HEMK2: variants seen among roughly 807,000 people sequenced by gnomAD.
The protein encoded by HEMK2 is HemK methyltransferase 2, ETF1 glutamine and histone H4 lysine, also known as methyltransferase HEMK2.
At chr21:28,610,601 T>C in the HEMK2 span, among the ~76,000 whole-genome samples, 1 of 152,128 alleles carries the variant, frequency 6.6e-6, no homozygotes, top group East Asian at 1.9e-4. Context: ...ATTTAAAAGA[T>C]GCAGAATGGC....
the HEMK2 span, among the ~76,000 whole-genome samples, chr21:28,837,677 A>G: frequency 2.6e-5 from 4 of 152,204 alleles, no homozygotes; most frequent in Non-Finnish European, 5.9e-5. Context: ...CAGCAAAGAA[A>G]GGAAATAACC....
chr21:28,587,739 C>T, the HEMK2 span, among the ~76,000 whole-genome samples: 1 of 152,108 alleles, frequency 6.6e-6, no homozygotes, highest in African/African-American at 2.4e-5. Context: ...TCTTCACTTA[C>T]TATATAATGA....
At chr21:28,605,552 A>C in the HEMK2 span, among the ~76,000 whole-genome samples, 3 of 152,226 alleles carry the variant, frequency 2.0e-5, no homozygotes, top group Non-Finnish European at 1.5e-5. Context: ...TCAGCTCTTT[A>C]AACATGACTG....
the HEMK2 span, chr21:28,885,252 G>C: frequency 1.3e-6 from 2 of 1,592,618 alleles, no homozygotes; most frequent in Admixed American, 1.7e-5. Flanking sequence ...GCGTCCAAAA[G>C]CAGAAACGTG....
At chr21:28,618,891 T>C in the HEMK2 span, among the ~76,000 whole-genome samples, 6 of 152,222 alleles carry the variant, frequency 3.9e-5, no homozygotes, top group Admixed American at 3.3e-4. Context: ...TTGGTCGTTA[T>C]GAACTGAATT....
At chr21:28,637,507 ATCGCAT>A in the HEMK2 span, among the ~76,000 whole-genome samples, 1 of 152,168 alleles carries the variant, frequency 6.6e-6, no homozygotes, top group African/African-American at 2.4e-5. Context: ...AGAGCTGAGA[ATCGCAT>A]TACCAGAGGC....
the HEMK2 span, among the ~76,000 whole-genome samples, chr21:28,763,868 A>G: frequency 1.3e-5 from 2 of 152,064 alleles, no homozygotes; most frequent in Non-Finnish European, 2.9e-5. Context: ...TGGCCATTGT[A>G]GCCCACATGG....
chr21:28,753,011 G>C, the HEMK2 span, among the ~76,000 whole-genome samples: 1 of 152,154 alleles, frequency 6.6e-6, no homozygotes, highest in Non-Finnish European at 1.5e-5. Context: ...TTATTGTTAA[G>C]TTCTGCAGTC....
the HEMK2 span, among the ~76,000 whole-genome samples, chr21:28,877,433 AGAAG>A: frequency 1.3e-5 from 2 of 150,900 alleles, no homozygotes; most frequent in African/African-American, 2.4e-5. Flanking sequence ...AAAGAGAGAG[AGAAG>A]GAAGGACAGA....
chr21:28,632,034 G>A, the HEMK2 span, among the ~76,000 whole-genome samples: 1 of 152,142 alleles, frequency 6.6e-6, no homozygotes, highest in Non-Finnish European at 1.5e-5. Context: ...TAGAGAATTA[G>A]CTACAAACCA....
the HEMK2 span, among the ~76,000 whole-genome samples, chr21:28,768,564 A>T: frequency 6.6e-6 from 1 of 151,870 alleles, no homozygotes; most frequent in Admixed American, 6.6e-5. Flanking sequence ...CCTTCTCCTC[A>T]TGTTCAGCCT....
chr21:28,709,236 G>C, the HEMK2 span, among the ~76,000 whole-genome samples: 4 of 152,186 alleles, frequency 2.6e-5, no homozygotes, highest in African/African-American at 9.6e-5. Flanking sequence ...CAAACATTCT[G>C]TCCATTGCAA....
At chr21:28,755,267 A>G in the HEMK2 span, among the ~76,000 whole-genome samples, 1 of 152,216 alleles carries the variant, frequency 6.6e-6, no homozygotes, top group African/African-American at 2.4e-5. Flanking sequence ...CAAAGCCACA[A>G]GAGTGATAAA....
the HEMK2 span, among the ~76,000 whole-genome samples, chr21:28,816,242 T>A: frequency 8.7e-5 from 13 of 149,928 alleles, no homozygotes; most frequent in Non-Finnish European, 1.5e-4. Context: ...AATAGTGATA[T>A]TCTCAGAAAG....
chr21:28,777,334 C>T, the HEMK2 span, among the ~76,000 whole-genome samples: 2 of 152,144 alleles, frequency 1.3e-5, no homozygotes, highest in East Asian at 1.9e-4. Context: ...CACAAAAATA[C>T]CCAGCAAAGA....
At chr21:28,827,869 G>C in the HEMK2 span, among the ~76,000 whole-genome samples, 3 of 151,968 alleles carry the variant, frequency 2.0e-5, no homozygotes, top group African/African-American at 7.3e-5. Context: ...TATCTCTGTG[G>C]GACTTAACCA....
the HEMK2 span, among the ~76,000 whole-genome samples, chr21:28,778,935 A>T: frequency 3.6e-3 from 555 of 152,254 alleles, no homozygotes; most frequent in Non-Finnish European, 5.6e-3. Context: ...TTTAATTTTT[A>T]TGAGATCCAA....
chr21:28,751,234 GAAAA>G, the HEMK2 span, among the ~76,000 whole-genome samples: 15 of 125,384 alleles, frequency 1.2e-4, no homozygotes, highest in South Asian at 2.5e-4. Context: ...CTGTCTCAAT[GAAAA>G]AAAAAAAAAA....
the HEMK2 span, among the ~76,000 whole-genome samples, chr21:28,848,388 A>T: frequency 6.6e-6 from 1 of 152,070 alleles, no homozygotes; most frequent in Non-Finnish European, 1.5e-5. Context: ...TAGGCATACA[A>T]TATTATCAAC....
Sources: gnomAD v4.1 joint callset for allele counts (sites outside exome capture counted in the v4.1 genomes callset) on GRCh38, gnomAD v4.1.1 for gene constraint, MANE v1.5 for transcripts, NCBI Gene and HGNC (gene_info 2026-07-23, HGNC 2026-07-21) for gene names.